The following RIMS2 variants were observed in gnomAD, a reference collection of about 807,000 sequenced individuals.
RIMS2 encodes regulating synaptic membrane exocytosis protein 2.
In RIMS2, 59 loss-of-function variants were observed where a neutral mutation model predicts 174.4. The ratio of observed to expected loss-of-function variants is 0.34; its 90% CI spans 0.27 to 0.42. The LOEUF is 0.42. RIMS2 is among the 10% of genes least tolerant of loss of function. RIMS2 has a pLI of 1.00. For synonymous variants in RIMS2, 606 were observed against 572.5 expected, an observed-to-expected ratio of 1.06 and a Z score of -0.84; for missense variants, 1,620 against 1,666.3, an observed-to-expected ratio of 0.97 and a Z score of 0.48.
intron 3 of RIMS2, among the ~76,000 whole-genome samples, chr8:103,833,441 A>G (rs1159531291): frequency 1.3e-5 from 2 of 152,100 alleles, no homozygotes; most frequent in Non-Finnish European, 2.9e-5. Flanking sequence ...ACTTAATTTA[A>G]TAAGTTCGGC....
chr8:104,027,739 T>C (rs544789838), intron 19 of RIMS2, among the ~76,000 whole-genome samples: 3 of 152,270 alleles, frequency 2.0e-5, no homozygotes, highest in Admixed American at 2.0e-4. Flanking sequence ...AATCAAGTGA[T>C]GTAATGAGTA....
chr8:104,050,430 T>C (rs1029376319), intron 19 of RIMS2, among the ~76,000 whole-genome samples: 4 of 152,152 alleles, frequency 2.6e-5, no homozygotes, highest in African/African-American at 7.2e-5. Context: ...AGGAGCTATT[T>C]TTGATGGAAT....
intron 4 of RIMS2, among the ~76,000 whole-genome samples, chr8:103,905,592 A>G (rs1370502393): frequency 6.6e-6 from 1 of 150,444 alleles, no homozygotes; most frequent in African/African-American, 2.4e-5. Flanking sequence ...GGTTTTACAT[A>G]GTTTTTCAAT....
intron 17 of RIMS2, among the ~76,000 whole-genome samples, chr8:104,011,070 A>C (rs755464315): frequency 6.6e-6 from 1 of 152,140 alleles, no homozygotes; most frequent in Non-Finnish European, 1.5e-5. Flanking sequence ...TGTGAGTACT[A>C]TATCTCAATC....
intron 1 of RIMS2, among the ~76,000 whole-genome samples, chr8:103,666,164 G>T (rs1423865976): frequency 6.6e-6 from 1 of 152,180 alleles, no homozygotes; most frequent in Non-Finnish European, 1.5e-5. Context: ...TACAGAAAAT[G>T]AAAATGAGGT....
intron 19 of RIMS2, among the ~76,000 whole-genome samples, chr8:104,057,719 T>A (rs1185413339): frequency 1.1e-5 from 1 of 90,498 alleles, no homozygotes; most frequent in Non-Finnish European, 2.1e-5. Context: ...CTCTTCCCCC[T>A]CCCCCCACCC....
intron 19 of RIMS2, among the ~76,000 whole-genome samples, chr8:104,031,924 A>C (rs1256377796): frequency 6.6e-6 from 1 of 152,052 alleles, no homozygotes; most frequent in East Asian, 1.9e-4. Context: ...TGTGGTAAAT[A>C]CTTTATTTCA....
At chr8:104,206,436 A>C (rs1341910382) in intron 19 of RIMS2, among the ~76,000 whole-genome samples, 2 of 152,364 alleles carry the variant, frequency 1.3e-5, no homozygotes, top group East Asian at 3.9e-4. Context: ...GATGTATATC[A>C]TGGGAGATGT....
intron 9 of RIMS2, chr8:103,920,682 C>G: frequency 2.2e-6 from 1 of 457,300 alleles, no homozygotes; most frequent in South Asian, 1.5e-5. Flanking sequence ...TTTTATACAT[C>G]CATTCCCTTA....
chr8:103,796,848 T>G (rs2098553230), intron 3 of RIMS2, among the ~76,000 whole-genome samples: 2 of 152,186 alleles, frequency 1.3e-5, no homozygotes, highest in African/African-American at 4.8e-5. Flanking sequence ...GTCCAGGTTG[T>G]GTGCAGCAGA....
At chr8:103,892,396 G>T (rs951054516) in intron 4 of RIMS2, among the ~76,000 whole-genome samples, 11 of 151,516 alleles carry the variant, frequency 7.3e-5, no homozygotes, top group African/African-American at 2.2e-4. Flanking sequence ...TAGAGATGAG[G>T]TCTTACTATG....
chr8:103,514,493 A>C (rs1163337047), intron 1 of RIMS2, among the ~76,000 whole-genome samples: 2 of 152,216 alleles, frequency 1.3e-5, no homozygotes, highest in Non-Finnish European at 2.9e-5. Flanking sequence ...AAGTTACAAA[A>C]TTCTAAGCAA....
intron 15 of RIMS2, among the ~76,000 whole-genome samples, chr8:103,965,382 A>G (rs1161819185): frequency 2.0e-5 from 3 of 152,060 alleles, no homozygotes; most frequent in Non-Finnish European, 4.4e-5. Flanking sequence ...ATTATACCTA[A>G]GTATTTCGTT....
At chr8:103,903,479 CA>C (rs1413397909) in intron 4 of RIMS2, among the ~76,000 whole-genome samples, 2 of 151,966 alleles carry the variant, frequency 1.3e-5, no homozygotes, top group Non-Finnish European at 2.9e-5. Context: ...GACTGTATGA[CA>C]AAATGTTGTA....
chr8:103,642,020 T>C (rs1364016631), intron 1 of RIMS2, among the ~76,000 whole-genome samples: 1 of 152,216 alleles, frequency 6.6e-6, no homozygotes, highest in Non-Finnish European at 1.5e-5. Flanking sequence ...TGCTTTTTAA[T>C]TGGCATATTT....
Position 103,899,628 on chromosome 8 carries a change from C to T in RIMS2, c.1625-10506C>T, listed in dbSNP as rs558880775. ...TAGATTCTGGATATTAGCCCTTTGT[C>T]GTATGGGTAGATTGCAAAAATTTTC... On this transcript the variant is annotated intron_variant, in intron 4 of 23. Transcript: ENST00000504942. 5.9e-5 allele frequency among the ~76,000 whole-genome samples: 9 copies of T among 151,682 alleles called. No homozygotes were observed. In the East Asian group the frequency reaches 1.2e-3, roughly 20 times the overall value.
At chr8:103,878,499 C>T (rs1243814772) in intron 3 of RIMS2, among the ~76,000 whole-genome samples, 1 of 151,696 alleles carries the variant, frequency 6.6e-6, no homozygotes, top group Non-Finnish European at 1.5e-5. Flanking sequence ...TTTTGCATCT[C>T]AGTTCATTGG....
chr8:104,065,145 T>C (rs955488473), intron 19 of RIMS2, among the ~76,000 whole-genome samples: 5 of 152,114 alleles, frequency 3.3e-5, no homozygotes, highest in Non-Finnish European at 7.4e-5. Context: ...TTATTCTTTA[T>C]TGCAGGTTTT....
intron 3 of RIMS2, among the ~76,000 whole-genome samples, chr8:103,805,439 A>T (rs1050312821): frequency 2.0e-5 from 3 of 152,144 alleles, no homozygotes; most frequent in African/African-American, 7.2e-5. Flanking sequence ...TTTTTGTCAC[A>T]TATAATCAAC....
Sources: allele counts gnomAD v4.1 joint callset (sites outside exome capture counted in the v4.1 genomes callset), GRCh38; gene constraint gnomAD v4.1.1; transcripts MANE v1.5; gene names NCBI Gene and HGNC (gene_info 2026-07-23, HGNC 2026-07-21).